TAF1A: variants seen among roughly 807,000 people sequenced by gnomAD.
TAF1A encodes TATA box-binding protein-associated factor RNA polymerase I subunit A.
A neutral mutation model predicts 61.6 loss-of-function variants in TAF1A; 42 were observed. That is an observed-to-expected ratio of 0.68 (90% CI 0.53 to 0.88). The LOEUF (loss-of-function observed/expected upper bound fraction) is 0.88. Ranked by LOEUF, TAF1A falls within the 40% of genes least tolerant of loss-of-function variation. TAF1A has a pLI of 0.00. For missense variants in TAF1A, 424 were observed against 518.7 expected (o/e 0.82, Z 1.77); for synonymous variants, 179 against 177.7 (o/e 1.01, Z -0.06).
chr1:222,583,579 C>T (rs1660883523), intron 3 of TAF1A, among the ~76,000 whole-genome samples: 1 of 152,192 alleles, frequency 6.6e-6, no homozygotes, highest in South Asian at 2.1e-4. Flanking sequence ...GTGGCTCACA[C>T]CTGTAATCCC....
intron 3 of TAF1A, among the ~76,000 whole-genome samples, chr1:222,580,480 A>G (rs1660744187): frequency 6.6e-6 from 1 of 152,358 alleles, no homozygotes; most frequent in South Asian, 2.1e-4. Context: ...GCTAACCTCA[A>G]TTTAAAGTAA....
At chr1:222,580,320 G>A (rs1255476145) in intron 3 of TAF1A, among the ~76,000 whole-genome samples, 1 of 152,062 alleles carries the variant, frequency 6.6e-6, no homozygotes, top group African/African-American at 2.4e-5. Flanking sequence ...TACAACTATT[G>A]ACTACATTTA....
At chr1:222,574,231 G>A (rs752394923) in intron 5 of TAF1A, among the ~76,000 whole-genome samples, 3 of 152,130 alleles carry the variant, frequency 2.0e-5, no homozygotes, top group Non-Finnish European at 4.4e-5. Context: ...TATATTTTAA[G>A]TGGGTGAATT....
intron 5 of TAF1A, among the ~76,000 whole-genome samples, chr1:222,575,861 G>C (rs1327567510): frequency 6.6e-6 from 1 of 152,184 alleles, no homozygotes; most frequent in Non-Finnish European, 1.5e-5. Flanking sequence ...TTACAAATGC[G>C]ATGTTCCAAC....
chr1:222,577,869 C>T (rs962199680), intron 4 of TAF1A, among the ~76,000 whole-genome samples: 7 of 152,146 alleles, frequency 4.6e-5, no homozygotes, highest in African/African-American at 1.4e-4. Flanking sequence ...AAACAAAAGA[C>T]AGTGTGATAT....
chr1:222,574,971 A>G (rs1660507810), intron 5 of TAF1A, among the ~76,000 whole-genome samples: 1 of 152,142 alleles, frequency 6.6e-6, no homozygotes, highest in Non-Finnish European at 1.5e-5. Context: ...TGGTTATGTG[A>G]ATGTCCATTT....
rs137856497 is a variant in TAF1A, at chr1:222,583,698, C to T, written c.291+430G>A. 1.9e-3 allele frequency among the ~76,000 whole-genome samples: 296 copies of T among 151,882 alleles called. 1 individual carries two copies. The highest frequency in any genetic ancestry group is 6.7e-3 in the African/African-American group (279 of 41,442). Reference sequence around the variant, plus strand: ...ACCAAAATACAAAAAATTAGCCGGGCGTGGTGGTACATGCCTGTAGTCCCA... The same window carrying T: ...ACCAAAATACAAAAAATTAGCCGGGTGTGGTGGTACATGCCTGTAGTCCCA... On this transcript the variant is annotated intron_variant, in intron 3 of 10. Transcript: ENST00000352967.
Position 222,584,301 on chromosome 1 carries a change from T to C in TAF1A, c.122-4A>G. 4 of 1,573,294 alleles carry C rather than the reference T, an allele frequency of 2.5e-6. No individual in the cohort carries two copies. Among genetic ancestry groups the C allele is most frequent in the Non-Finnish European group, 2.6e-6 (3 of 1,166,738 alleles). ...TTCCTCCTTTTCCCTCCAATGGCTA[T>C]AAAAACGAAAAAGAAGAGAGTTTTT... On this transcript the variant is annotated splice_polypyrimidine_tract_variant and splice_region_variant and intron_variant, in intron 2 of 10. Coordinates refer to ENST00000352967, the MANE Select transcript of TAF1A (RefSeq NM_005681.4).
intron 4 of TAF1A, among the ~76,000 whole-genome samples, chr1:222,579,214 T>C (rs555098204): frequency 3.3e-5 from 5 of 152,338 alleles, no homozygotes; most frequent in African/African-American, 1.2e-4. Flanking sequence ...AACATTTTTT[T>C]AAAGCAAAGC....
At chr1:222,575,186 T>C (rs1336559839) in intron 5 of TAF1A, among the ~76,000 whole-genome samples, 1 of 151,672 alleles carries the variant, frequency 6.6e-6, no homozygotes, top group Non-Finnish European at 1.5e-5. Flanking sequence ...AGAAATGAGG[T>C]GATAGGAAAG....
At chr1:222,580,034 T>TA in intron 3 of TAF1A, 162 bp from the exon 4 acceptor site, 1 of 745,754 alleles carries the variant, frequency 1.3e-6, no homozygotes, top group Non-Finnish European at 2.1e-6. Flanking sequence ...AAATTAATAC[T>TA]ACTTCCTTAT....
downstream of TAF1A, among the ~76,000 whole-genome samples, chr1:222,554,619 C>T (rs1277128921): frequency 1.3e-5 from 2 of 152,044 alleles, no homozygotes; most frequent in Non-Finnish European, 2.9e-5. Context: ...TGTTGCTTTT[C>T]CTTTTTCAAA....
intron 7 of TAF1A, among the ~76,000 whole-genome samples, chr1:222,568,333 A>C (rs1660204144): frequency 6.6e-6 from 1 of 152,162 alleles, no homozygotes; most frequent in Admixed American, 6.6e-5. Context: ...AGGAAACCAA[A>C]AGGCAAGGCA....
At chr1:222,571,375 A>G (rs1660343977) in intron 5 of TAF1A, among the ~76,000 whole-genome samples, 1 of 152,172 alleles carries the variant, frequency 6.6e-6, no homozygotes, top group Non-Finnish European at 1.5e-5. Context: ...TGGTGGTTCC[A>G]GCCAGGACAA....
At chr1:222,586,644 C>T (rs780301106) in intron 2 of TAF1A, among the ~76,000 whole-genome samples, 15 of 152,182 alleles carry the variant, frequency 9.9e-5, no homozygotes, top group Non-Finnish European at 1.9e-4. Flanking sequence ...GGAAACTTAT[C>T]AATCTGTCAA....
chr1:222,583,897 A>G (rs1164468992), intron 3 of TAF1A, among the ~76,000 whole-genome samples: 2 of 152,140 alleles, frequency 1.3e-5, no homozygotes, highest in Non-Finnish European at 2.9e-5. Flanking sequence ...AAACATCCAT[A>G]AAGAGGGGGG....
At chr1:222,558,801 T>C (rs774096015) in intron 10 of TAF1A, 29 bp from the exon 11 acceptor site, 2 of 1,151,840 alleles carry the variant, frequency 1.7e-6, no homozygotes, top group East Asian at 2.5e-5. Context: ...TAAAAAGTTT[T>C]AATACTCATC....
At chr1:222,581,678 T>C (rs1660795092) in intron 3 of TAF1A, among the ~76,000 whole-genome samples, 1 of 152,112 alleles carries the variant, frequency 6.6e-6, no homozygotes, top group Non-Finnish European at 1.5e-5. Flanking sequence ...CAATTTTAAA[T>C]AGTCAAAGTA....
At position 222,558,709 on chromosome 1, in the gene TAF1A, C is replaced by G; in HGVS notation, c.1304G>C (p.Arg435Pro). ...DHQILGKKIKRMKRSVKKYSI... is the reference protein window; with the variant it reads ...DHQILGKKIKPMKRSVKKYSI... ...GTATTTTTTCACAGATCTCTTCATC[C>G]GCTTAATTTTCTTCCCTAAGATTTG... is the stretch of plus-strand genomic sequence containing the variant. Residue 435 changes from arginine to proline, a missense_variant, in exon 11 of 11, where the codon CGG becomes CCG. Coordinates refer to ENST00000352967, the MANE Select transcript of TAF1A (RefSeq NM_005681.4). The G allele has an allele frequency of 6.3e-7, 1 of 1,577,466 alleles. No individual in the cohort carries two copies. The highest frequency in any genetic ancestry group is 1.4e-5 in the African/African-American group (1 of 74,054).
Sources: allele counts gnomAD v4.1 joint callset (sites outside exome capture counted in the v4.1 genomes callset), GRCh38; gene constraint gnomAD v4.1.1; transcripts MANE v1.5; gene names NCBI Gene and HGNC (gene_info 2026-07-23, HGNC 2026-07-21).